ENTREP2: variants seen among roughly 807,000 people sequenced by gnomAD.
ENTREP2 encodes protein ENTREP2.
chr15:29,337,044 A>G, the ENTREP2 span, among the ~76,000 whole-genome samples: 1 of 152,160 alleles, frequency 6.6e-6, no homozygotes, highest in African/African-American at 2.4e-5. Flanking sequence ...CATTTGTTTG[A>G]TGTGAAGTTA....
chr15:29,444,212 A>AAG, the ENTREP2 span, among the ~76,000 whole-genome samples: 1 of 150,246 alleles, frequency 6.7e-6, no homozygotes, highest in African/African-American at 2.5e-5. Context: ...GAAAGAAAGA[A>AAG]AGAAAGAAAG....
chr15:29,444,697 C>A, the ENTREP2 span, among the ~76,000 whole-genome samples: 3 of 152,110 alleles, frequency 2.0e-5, no homozygotes, highest in African/African-American at 4.8e-5. Context: ...GAACTCCTGA[C>A]CTTGTGATCC....
chr15:29,368,974 GA>G, the ENTREP2 span, among the ~76,000 whole-genome samples: 1 of 152,092 alleles, frequency 6.6e-6, no homozygotes, highest in African/African-American at 2.4e-5. Context: ...GATTTGAGTA[GA>G]CCAAAGAAAG....
At chr15:29,488,959 G>A in the ENTREP2 span, among the ~76,000 whole-genome samples, 3 of 152,222 alleles carry the variant, frequency 2.0e-5, no homozygotes, top group Non-Finnish European at 4.4e-5. Context: ...CCAGGGGCTA[G>A]GAGAGGGGAA....
chr15:29,216,324 C>A, the ENTREP2 span, among the ~76,000 whole-genome samples: 1 of 152,160 alleles, frequency 6.6e-6, no homozygotes, highest in African/African-American at 2.4e-5. Flanking sequence ...AGGGTTTCTG[C>A]TGAGAAATCT....
At chr15:29,395,078 CG>C in the ENTREP2 span, among the ~76,000 whole-genome samples, 78,057 of 144,418 alleles carry the variant, frequency 0.54, 25,039 homozygotes, top group Admixed American at 0.68. Flanking sequence ...TTAGTAGAGA[CG>C]GGGTTTCACC....
the ENTREP2 span, among the ~76,000 whole-genome samples, chr15:29,194,711 A>G: frequency 1.3e-5 from 2 of 152,154 alleles, no homozygotes; most frequent in African/African-American, 4.8e-5. Flanking sequence ...CTGCATTCTT[A>G]GAGACAGTGT....
the ENTREP2 span, among the ~76,000 whole-genome samples, chr15:29,556,751 C>A: frequency 8.5e-6 from 1 of 118,008 alleles, no homozygotes; most frequent in Non-Finnish European, 1.7e-5. Flanking sequence ...TGGCTTCAGC[C>A]CCATGCAGGT....
the ENTREP2 span, among the ~76,000 whole-genome samples, chr15:29,388,976 AG>A: frequency 3.4e-5 from 2 of 58,840 alleles, no homozygotes; most frequent in African/African-American, 7.2e-5. Flanking sequence ...GGGTGGGGGG[AG>A]GGGGGAGGGA....
chr15:29,176,185 C>T, the ENTREP2 span, among the ~76,000 whole-genome samples: 2 of 152,166 alleles, frequency 1.3e-5, no homozygotes, highest in African/African-American at 4.8e-5. Flanking sequence ...GATATTCTAA[C>T]TCTTCCTTAA....
At chr15:29,601,662 A>G in the ENTREP2 span, among the ~76,000 whole-genome samples, 1 of 151,998 alleles carries the variant, frequency 6.6e-6, no homozygotes, top group Non-Finnish European at 1.5e-5. Context: ...ATCCCATTCA[A>G]ATTTCACTTC....
chr15:29,578,722 G>A, the ENTREP2 span, among the ~76,000 whole-genome samples: 6 of 152,284 alleles, frequency 3.9e-5, no homozygotes, highest in East Asian at 9.6e-4. Flanking sequence ...AATCATTCAC[G>A]TTTGCAGTAT....
At chr15:29,620,631 A>G in the ENTREP2 span, among the ~76,000 whole-genome samples, 1 of 152,134 alleles carries the variant, frequency 6.6e-6, no homozygotes, top group East Asian at 1.9e-4. Flanking sequence ...GAGTGAGACC[A>G]TGTCTCTAAA....
At chr15:29,174,714 A>G in the ENTREP2 span, among the ~76,000 whole-genome samples, 1 of 151,668 alleles carries the variant, frequency 6.6e-6, no homozygotes, top group African/African-American at 2.4e-5. Context: ...AAACAACAAA[A>G]AAAAAAAAGA....
chr15:29,518,368 T>A, the ENTREP2 span, among the ~76,000 whole-genome samples: 1 of 152,196 alleles, frequency 6.6e-6, no homozygotes, highest in Non-Finnish European at 1.5e-5. Context: ...CTTTTCTGTA[T>A]TGCTGGAATG....
chr15:29,674,141 G>GGC, the ENTREP2 span, among the ~76,000 whole-genome samples: 245 of 142,434 alleles, frequency 1.7e-3, 7 homozygotes, highest in Non-Finnish European at 2.4e-3. Context: ...GGGGGGGGGG[G>GGC]GGCTTTGCCA....
At chr15:29,145,786 G>T in the ENTREP2 span, among the ~76,000 whole-genome samples, 1 of 152,126 alleles carries the variant, frequency 6.6e-6, no homozygotes, top group African/African-American at 2.4e-5. Context: ...CACTCTCACT[G>T]CTTCTATTCA....
At chr15:29,447,489 A>T in the ENTREP2 span, among the ~76,000 whole-genome samples, 1 of 152,162 alleles carries the variant, frequency 6.6e-6, no homozygotes, top group Non-Finnish European at 1.5e-5. Flanking sequence ...TCTTTGAGAC[A>T]GGGTCTCACT....
the ENTREP2 span, among the ~76,000 whole-genome samples, chr15:29,192,953 A>G: frequency 1.3e-5 from 2 of 152,206 alleles, no homozygotes; most frequent in Non-Finnish European, 2.9e-5. Context: ...CTCTCAGCAA[A>G]CTAGGAATAG....
Sources: allele counts gnomAD v4.1 joint callset (sites outside exome capture counted in the v4.1 genomes callset), GRCh38; gene constraint gnomAD v4.1.1; transcripts MANE v1.5; gene names NCBI Gene and HGNC (gene_info 2026-07-23, HGNC 2026-07-21).